The following FAXC variants were observed in gnomAD, a reference collection of about 807,000 sequenced individuals.
FAXC encodes failed axon connections homolog.
FAXC carries 10 observed loss-of-function variants against 41.9 expected under a neutral mutation model. The observed-to-expected ratio is 0.24, with a 90% CI of 0.15 to 0.41. The LOEUF is 0.41. Ranked by LOEUF, FAXC falls within the 10% of genes least tolerant of loss-of-function variation. The pLI is 1.00. For synonymous variants in FAXC, 183 were observed against 183.8 expected (o/e 1.00, Z 0.03); for missense variants, 399 against 510.9 (o/e 0.78, Z 2.11).
intron 1 of FAXC, among the ~76,000 whole-genome samples, chr6:99,346,622 G>C (rs908289909): frequency 6.6e-5 from 10 of 151,200 alleles, no homozygotes; most frequent in African/African-American, 1.2e-4. Flanking sequence ...AGATGGTCTC[G>C]ATCTCTTGAC....
intron 5 of FAXC, among the ~76,000 whole-genome samples, chr6:99,283,681 G>A (rs918685351): frequency 6.6e-6 from 1 of 152,134 alleles, no homozygotes; most frequent in African/African-American, 2.4e-5. Context: ...GTCATGAAAC[G>A]CCTCACCAGG....
chr6:99,299,340 G>T (rs968818121), intron 4 of FAXC, among the ~76,000 whole-genome samples: 10 of 152,088 alleles, frequency 6.6e-5, no homozygotes. Flanking sequence ...AGTGACAAAA[G>T]AGACAAGACT....
At chr6:99,291,611 C>G in intron 5 of FAXC, 93 bp downstream of exon 5, 1 of 894,070 alleles carries the variant, frequency 1.1e-6, no homozygotes, top group Non-Finnish European at 1.9e-6. Context: ...ACACCCAAGA[C>G]GAAAGCATTG....
chr6:99,348,147 G>A (rs9376100), intron 1 of FAXC, among the ~76,000 whole-genome samples: 110,529 of 152,088 alleles, frequency 0.73, 41,029 homozygotes, highest in South Asian at 0.9. Flanking sequence ...TTCCTCCACT[G>A]GAATAAGGCA....
At chr6:99,289,706 T>C (rs2128449061) in intron 5 of FAXC, among the ~76,000 whole-genome samples, 1 of 151,680 alleles carries the variant, frequency 6.6e-6, no homozygotes, top group East Asian at 1.9e-4. Flanking sequence ...TGTGTGTGTG[T>C]GTGTGTGTGT....
rs1046145601 is a variant in FAXC at position 99,273,980 on chromosome 6, T to C, written c.*7184A>G. The C allele has an allele frequency of 2.6e-5, 4 of 152,102 alleles. No homozygotes were observed. Among genetic ancestry groups the C allele is most frequent in the African/African-American group, 9.7e-5 (4 of 41,424 alleles). 9.4% of individuals were successfully genotyped at this position (152,102 alleles called of 1,614,324 possible). The stretch of plus-strand genomic sequence containing the variant: ...ACATAAACGTTTGGAGACCACTGCC[T>C]AAATAGGGATGGACGATCTGGGCTG... On this transcript the variant is annotated 3_prime_UTR_variant, in exon 6 of 6. Transcript: ENST00000389677.
intron 5 of FAXC, among the ~76,000 whole-genome samples, chr6:99,282,022 G>C (rs557983222): frequency 6.6e-6 from 1 of 152,144 alleles, no homozygotes; most frequent in African/African-American, 2.4e-5. Flanking sequence ...TAATAAAAAC[G>C]GTGAGTGAGA....
intron 4 of FAXC, among the ~76,000 whole-genome samples, chr6:99,300,290 T>C (rs1366881253): frequency 6.6e-6 from 1 of 152,236 alleles, no homozygotes; most frequent in Non-Finnish European, 1.5e-5. Context: ...TCCATGGGCA[T>C]ACTTTATAAT....
In FAXC at chr6:99,281,324, G is replaced by A. The variant is rs199771365; in HGVS notation, c.1070C>T (p.Pro357Leu). 4.9e-5 allele frequency: 79 copies of A among 1,614,128 alleles called. No individual in the cohort carries two copies. In the East Asian group the frequency reaches 8.5e-4, roughly 17 times the overall value. Reference protein sequence around the residue: ...ESSEGSKTHTPLLDFSFYSRT... With the variant: ...ESSEGSKTHTLLLDFSFYSRT... Reference sequence around the variant, plus strand: ...TGAGTAAAAGCTAAAATCCAGCAGCGGGGTGTGGGTTTTGCTGCCTTCGCT... The same window carrying A: ...TGAGTAAAAGCTAAAATCCAGCAGCAGGGTGTGGGTTTTGCTGCCTTCGCT... Residue 357 changes from proline to leucine, a missense_variant, in exon 6 of 6, where the codon CCG (proline) becomes CTG (leucine). By Grantham distance (98) the Pro-to-Leu change is moderately conservative (BLOSUM62 -3). Around this residue, in one of 3 missense-constraint regions of FAXC, gnomAD observed 92 missense variants for 94.9 expected, o/e 0.97. Coordinates refer to ENST00000389677, the MANE Select transcript of FAXC (RefSeq NM_032511.4).
chr6:99,333,527 G>C lies in FAXC; in HGVS notation c.423C>G (p.Leu141=). ...TCCAAGGCATTTTCCCTTGAGCAGA[G>C]AGTTTTCCACCAAAATAGTTCTAAG... The part of the protein sequence containing the change: ...LPYQNYFGGK[L]SAQGKMPWIE... Residue 141 remains leucine, a synonymous_variant, in exon 3 of 6, where the codon CTC becomes CTG. Transcript: ENST00000389677. The C allele has an allele frequency of 1.2e-6, 2 of 1,610,578 alleles. No homozygotes were observed. The highest frequency in any genetic ancestry group is 2.2e-5 in the South Asian group (2 of 90,122).
chr6:99,276,611 A>T lies in FAXC; in HGVS notation c.*4553T>A, dbSNP rs369020373. ...TAATAGAGATTACTTTTGCTTGCAT[A>T]GCCTGTACTAATTTTTCTTCTCTCT... On this transcript the variant is annotated 3_prime_UTR_variant, in exon 6 of 6. Transcript: ENST00000389677. 8 of 152,306 alleles carry T rather than the reference A, an allele frequency of 5.3e-5. No homozygotes were observed. In the East Asian group the frequency reaches 1.3e-3, roughly 26 times the overall value. 9.4% of individuals were successfully genotyped at this position (152,306 alleles called of 1,614,324 possible). A position where few individuals can be genotyped will look rare whatever the true frequency, so the allele number is the denominator to read the frequency against.
chr6:99,278,596 C>T lies in FAXC; in HGVS notation c.*2568G>A, dbSNP rs774215893. 3.9e-5 allele frequency: 6 copies of T among 152,122 alleles called. No homozygotes were observed. Among genetic ancestry groups the T allele is most frequent in the Admixed American group, 1.3e-4 (2 of 15,268 alleles). 9.4% of individuals were successfully genotyped at this position (152,122 alleles called of 1,614,324 possible). ...TGAAGCACATAAAATTAAATCCTTC[C>T]GGATAAAGACTCACACTATGGTGAC... On this transcript the variant is annotated 3_prime_UTR_variant, in exon 6 of 6. Coordinates refer to ENST00000389677, the MANE Select transcript of FAXC (RefSeq NM_032511.4).
chr6:99,348,082 G>A (rs1278603393), intron 1 of FAXC, among the ~76,000 whole-genome samples: 1 of 152,202 alleles, frequency 6.6e-6, no homozygotes, highest in Non-Finnish European at 1.5e-5. Context: ...TGGGATCCCT[G>A]CAGGCTAGTA....
rs572381994 is a variant in FAXC, at chr6:99,324,778, G to A, written c.600-1111C>T. The stretch of plus-strand genomic sequence containing the variant: ...GGCTGAAGAGAATGCAGCTGTGTGC[G>A]AGTACAGGCATAAGACATTTTCATT... On this transcript the variant is annotated intron_variant, in intron 3 of 5. Transcript: ENST00000389677. 1.1e-4 allele frequency among the ~76,000 whole-genome samples: 16 copies of A among 152,274 alleles called. No homozygotes were observed. In the South Asian group the frequency reaches 1.7e-3, roughly 16 times the overall value.
chr6:99,342,204 C>T (rs1773451545), intron 2 of FAXC, among the ~76,000 whole-genome samples: 1 of 152,204 alleles, frequency 6.6e-6, no homozygotes, highest in Admixed American at 6.5e-5. Context: ...GCCTACTGGG[C>T]CTTCTGCCCC....
At chr6:99,283,455 C>T (rs1582612420) in intron 5 of FAXC, among the ~76,000 whole-genome samples, 1 of 152,202 alleles carries the variant, frequency 6.6e-6, no homozygotes, top group African/African-American at 2.4e-5. Flanking sequence ...AATCCCCCTG[C>T]TTCATGGATC....
rs1409530365 is a variant in FAXC, at chr6:99,349,108, T to C, written c.265A>G (p.Arg89Gly). 2 of 1,613,310 alleles carry C rather than the reference T, an allele frequency of 1.2e-6. No individual in the cohort carries two copies. The highest frequency in any genetic ancestry group is 1.3e-5 in the African/African-American group (1 of 75,020). Reference sequence around the variant, plus strand: ...TGCGGGGCCCTCTCTCCGGCTCACCTAATGACCAGGAGTTCGTGGAGCAGA... The same window carrying C: ...TGCGGGGCCCTCTCTCCGGCTCACCCAATGACCAGGAGTTCGTGGAGCAGA... ...AYLLHELLVIRKQQEIDSKDA... is the reference protein window; with the variant it reads ...AYLLHELLVIGKQQEIDSKDA... The change falls in exon 1 of 6, where the codon AGG (arginine) becomes GGG (glycine). Residue 89 changes from arginine (R) to glycine (G), a missense_variant and splice_region_variant. Physicochemically the swap from Arg to Gly is moderately radical, Grantham distance 125. Coordinates refer to ENST00000389677, the MANE Select transcript of FAXC (RefSeq NM_032511.4).
rs746691175 is a variant in FAXC at position 99,333,384 on chromosome 6, G to A, written c.566C>T (p.Ala189Val). 6.8e-6 allele frequency: 11 copies of A among 1,613,708 alleles called. No individual in the cohort carries two copies. Among genetic ancestry groups the A allele is most frequent in the Admixed American group, 1.7e-5 (1 of 59,946 alleles). ...GTGCTCCTCCACCATCTTGGTCACC[G>A]CTCTGGAGATGGCTCTTTCATGAGG... ...LGPHERAISR[A>V]VTKMVEEHFY... The change falls in exon 3 of 6, where the codon GCG becomes GTG. Residue 189 changes from alanine (A) to valine (V), a missense_variant. Physicochemically the swap from Ala to Val is moderately conservative, Grantham distance 64 (BLOSUM62 0). Around this residue, in one of 3 missense-constraint regions of FAXC, gnomAD observed 239 missense variants for 352.7 expected, o/e 0.68. Coordinates refer to ENST00000389677, the MANE Select transcript of FAXC (RefSeq NM_032511.4).
intron 1 of FAXC, among the ~76,000 whole-genome samples, chr6:99,346,694 G>A (rs1026858684): frequency 2.6e-5 from 4 of 152,006 alleles, no homozygotes; most frequent in Non-Finnish European, 5.9e-5. Flanking sequence ...GCTGCCGCGC[G>A]CCGGGCCAAA....
Sources: allele counts gnomAD v4.1 joint callset (sites outside exome capture counted in the v4.1 genomes callset), GRCh38; gene constraint gnomAD v4.1.1; regional missense constraint gnomAD v4.1.1; transcripts MANE v1.5; gene names NCBI Gene and HGNC (gene_info 2026-07-23, HGNC 2026-07-21).